The following NTAQ1 variants were observed in gnomAD, a reference collection of about 807,000 sequenced individuals.
The protein encoded by NTAQ1 is protein N-terminal glutamine amidohydrolase.
Under a neutral mutation model 28.2 loss-of-function variants are expected in NTAQ1, and 21 were observed. That is an observed-to-expected ratio of 0.74 (90% CI 0.53 to 1.07). The LOEUF (loss-of-function observed/expected upper bound fraction) is 1.07. Ranked by LOEUF, NTAQ1 falls within the 50% of genes least tolerant of loss-of-function variation. NTAQ1 has a pLI of 0.00. For missense variants in NTAQ1, 264 were observed against 256.6 expected, an observed-to-expected ratio of 1.03 and a Z score of -0.20; for synonymous variants, 105 against 90.0, an observed-to-expected ratio of 1.17 and a Z score of -0.94.
chr8:123,421,537 C>G (rs1027223060), intron 1 of NTAQ1, among the ~76,000 whole-genome samples: 4 of 129,312 alleles, frequency 3.1e-5, no homozygotes, highest in Admixed American at 8.7e-5. Context: ...GAGATGGAGT[C>G]TTACTCTGTT....
chr8:123,460,376 A>G (rs1331234621), intron 6 of NTAQ1, among the ~76,000 whole-genome samples: 2 of 152,214 alleles, frequency 1.3e-5, no homozygotes, highest in Middle Eastern at 3.2e-3. Flanking sequence ...AAGGAATGTG[A>G]TTTGAACCTG....
chr8:123,468,215 T>C (rs1816002816), exon 7 of NTAQ1, among the ~76,000 whole-genome samples: 1 of 152,206 alleles, frequency 6.6e-6, no homozygotes, highest in Non-Finnish European at 1.5e-5. Context: ...AAACTTTATT[T>C]ATGTATTTAT....
In NTAQ1 at chr8:123,441,651, C is replaced by T; in HGVS notation, c.*236C>T. The stretch of plus-strand genomic sequence containing the variant: ...CGTACTTGCTAAGATATTCCTGTGG[C>T]TCATGCGTTACAACACGAGGACTTA... On this transcript the variant is annotated 3_prime_UTR_variant, in exon 6 of 6. Transcript: ENST00000287387. 1.9e-6 allele frequency: 1 copy of T among 512,908 alleles called. No homozygotes were observed. Among genetic ancestry groups the T allele is most frequent in the Non-Finnish European group, 3.5e-6 (1 of 285,676 alleles). 31.8% of individuals were successfully genotyped at this position (512,908 alleles called of 1,614,324 possible).
intron 3 of NTAQ1, among the ~76,000 whole-genome samples, 191 bp downstream of exon 3, chr8:123,430,224 T>A (rs1012231511): frequency 2.6e-5 from 4 of 152,252 alleles, no homozygotes; most frequent in African/African-American, 9.6e-5. Context: ...TTCTTTTAAC[T>A]TTTTGTTTTG....
At chr8:123,417,048 G>C in intron 1 of NTAQ1, 116 bp downstream of exon 1, 1 of 1,076,608 alleles carries the variant, frequency 9.3e-7, no homozygotes, top group Non-Finnish European at 1.2e-6. Flanking sequence ...CTACCGGCGG[G>C]TTCTACAGTT....
the NTAQ1 span, among the ~76,000 whole-genome samples, chr8:123,475,506 A>C: frequency 6.6e-6 from 1 of 152,174 alleles, no homozygotes; most frequent in Non-Finnish European, 1.5e-5. Flanking sequence ...TTTGTAAATT[A>C]TAAAATTGTA....
chr8:123,418,458 A>T (rs564906720), intron 1 of NTAQ1, among the ~76,000 whole-genome samples: 50 of 151,668 alleles, frequency 3.3e-4, no homozygotes, highest in African/African-American at 3.9e-4. Flanking sequence ...AAAAAAAAAA[A>T]AAAAATAAAA....
rs201436036 is a variant in NTAQ1, at chr8:123,436,593, G to A, written c.375G>A (p.Gln125=). ...AGTCTGATGATGACATTCACCCACA[G>A]TTTAGGAGGTGAGGACATTCAAGAT... The part of the protein sequence containing the change: ...AFKSDDDIHP[Q]FRRKFRVIRA... The change falls in exon 4 of 6, where the codon CAG becomes CAA. Residue 125 remains glutamine (Q), a synonymous_variant. Transcript: ENST00000287387. 6.2e-6 allele frequency: 10 copies of A among 1,613,228 alleles called. No homozygotes were observed. In the East Asian group the frequency reaches 2.0e-4, roughly 32 times the overall value.
At chr8:123,429,958 T>C in intron 2 of NTAQ1, 25 bp from the exon 3 acceptor site, 1 of 1,573,832 alleles carries the variant, frequency 6.4e-7, no homozygotes, top group Admixed American at 1.8e-5. Flanking sequence ...AAGGTATGGC[T>C]TACGAAATGT....
chr8:123,417,571 A>G (rs2130096373), intron 1 of NTAQ1, among the ~76,000 whole-genome samples: 1 of 152,212 alleles, frequency 6.6e-6, no homozygotes, highest in East Asian at 1.9e-4. Flanking sequence ...CCCCTGTCCT[A>G]GGCCACCTCT....
intron 3 of NTAQ1, among the ~76,000 whole-genome samples, chr8:123,436,169 CAAAA>C (rs34240319): frequency 1.3e-4 from 11 of 85,978 alleles, no homozygotes; most frequent in Admixed American, 4.1e-4. Flanking sequence ...GACTCCATCT[CAAAA>C]AAAAAAAAAA....
chr8:123,446,372 T>TA (rs1219273355), downstream of NTAQ1, among the ~76,000 whole-genome samples: 1 of 152,214 alleles, frequency 6.6e-6, no homozygotes, highest in Non-Finnish European at 1.5e-5. Context: ...CAGTAAATGT[T>TA]AGACTTTGCA....
chr8:123,421,366 T>C (rs1247227555), intron 1 of NTAQ1, among the ~76,000 whole-genome samples: 1 of 152,166 alleles, frequency 6.6e-6, no homozygotes, highest in African/African-American at 2.4e-5. Flanking sequence ...AGATGTGAGC[T>C]ACTGCACCTG....
intron 6 of NTAQ1, among the ~76,000 whole-genome samples, chr8:123,465,302 G>A: frequency 6.6e-6 from 1 of 152,076 alleles, no homozygotes; most frequent in Middle Eastern, 3.2e-3. Flanking sequence ...GCTCTTGTGT[G>A]TGCATGTGTA....
chr8:123,432,634 CA>C (rs920799155), intron 3 of NTAQ1, among the ~76,000 whole-genome samples: 47 of 140,326 alleles, frequency 3.3e-4, no homozygotes, highest in African/African-American at 3.6e-4. Flanking sequence ...GACTTCATCT[CA>C]AAAAAAAAAA....
At chr8:123,448,397 G>C (rs745956641), downstream of NTAQ1, among the ~76,000 whole-genome samples, 3 of 152,202 alleles carry the variant, frequency 2.0e-5, no homozygotes, top group South Asian at 2.1e-4. Flanking sequence ...TGGATCACTT[G>C]AGGTCAGGAG....
intron 6 of NTAQ1, among the ~76,000 whole-genome samples, chr8:123,459,915 C>G (rs1815770260): frequency 2.6e-5 from 4 of 151,850 alleles, no homozygotes; most frequent in Admixed American, 2.6e-4. Flanking sequence ...ATTCTCCTGC[C>G]TCAGCCTCCC....
chr8:123,452,553 A>G (rs924502585), downstream of NTAQ1, among the ~76,000 whole-genome samples: 8 of 151,080 alleles, frequency 5.3e-5, no homozygotes, highest in Admixed American at 1.3e-4. Context: ...GCTAAGATCG[A>G]GCCATTGCAC....
At chr8:123,428,282 C>T (rs572998571) in intron 2 of NTAQ1, among the ~76,000 whole-genome samples, 221 of 151,966 alleles carry the variant, frequency 1.5e-3, no homozygotes, top group Non-Finnish European at 2.8e-3. Flanking sequence ...CTGCAACCTC[C>T]ACCTCCCGGG....
Sources: gnomAD v4.1 joint callset for allele counts (sites outside exome capture counted in the v4.1 genomes callset) on GRCh38, gnomAD v4.1.1 for gene constraint, MANE v1.5 for transcripts, NCBI Gene and HGNC (gene_info 2026-07-23, HGNC 2026-07-21) for gene names.